COL5A1: variants seen among roughly 807,000 people sequenced by gnomAD.
The protein encoded by COL5A1 is collagen alpha-1(V) chain.
COL5A1 carries 16 observed loss-of-function variants against 263.7 expected under a neutral mutation model. The observed-to-expected ratio is 0.06, with a 90% CI of 0.04 to 0.09. The LOEUF is 0.09. COL5A1 is among the 10% of genes least tolerant of loss of function. The pLI is 1.00. For missense variants in COL5A1, 2,036 were observed against 2,540.5 expected (o/e 0.80, Z 4.27); for synonymous variants, 1,012 against 1,004.5 (o/e 1.01, Z -0.14).
chr9:134,770,234 C>A (rs1374696894), intron 25 of COL5A1, among the ~76,000 whole-genome samples: 1 of 152,190 alleles, frequency 6.6e-6, no homozygotes, highest in Non-Finnish European at 1.5e-5. Context: ...AGAGAGTTTT[C>A]TTTTTTTCTT....
chr9:134,663,145 G>A (rs1832260324), intron 1 of COL5A1, among the ~76,000 whole-genome samples: 1 of 152,248 alleles, frequency 6.6e-6, no homozygotes, highest in Non-Finnish European at 1.5e-5. Flanking sequence ...TTGCTGTGCT[G>A]GGTGCATCCA....
chr9:134,782,571 C>T, intron 28 of COL5A1, 96 bp from the exon 29 acceptor site: 1 of 1,165,688 alleles, frequency 8.6e-7, no homozygotes, highest in Non-Finnish European at 1.3e-6. Flanking sequence ...GCGTGGGGGA[C>T]CTGGTGCTGA....
Position 134,841,362 on chromosome 9 carries a change from TG to T in COL5A1, c.5371-791del. Reference sequence around the variant, plus strand: ...ACTGGGAGTTATATTTGGGTGGCTTTGGGGAGGGACCAAAGAATCTCACACC... The same window carrying T: ...ACTGGGAGTTATATTTGGGTGGCTTTGGGAGGGACCAAAGAATCTCACACC... On this transcript the variant is annotated intron_variant, in intron 65 of 65. Transcript: ENST00000371817. This position sits in a 1 kb window ranked among gnomAD's most constrained non-coding sequence, Gnocchi z 4.8. Among the ~76,000 whole-genome samples the T allele has an allele frequency of 6.6e-6, 1 of 152,234 alleles. No individual in the cohort carries two copies. Among genetic ancestry groups the T allele is most frequent in the Middle Eastern group, 3.4e-3 (1 of 294 alleles).
chr9:134,701,425 G>A (rs992288114), intron 4 of COL5A1, 92 bp downstream of exon 4: 71 of 1,315,798 alleles, frequency 5.4e-5, no homozygotes, highest in African/African-American at 4.4e-4. Flanking sequence ...TCCTCGGGCC[G>A]GGACCGGCTG....
In COL5A1 at chr9:134,806,184, C is replaced by T. The variant is rs1468758171; in HGVS notation, c.3259-5C>T. On this transcript the variant is annotated splice_polypyrimidine_tract_variant and splice_region_variant and intron_variant, in intron 41 of 65. Transcript: ENST00000371817. ...GAAGCAGACTGTTTTCTTGCTCCAC[C>T]TCAGGGATCTCCAGGGGAGAGAGGT... The T allele has an allele frequency of 3.9e-6, 6 of 1,548,530 alleles. No individual in the cohort carries two copies. The highest frequency in any genetic ancestry group is 5.2e-6 in the Non-Finnish European group (6 of 1,144,836).
Position 134,831,274 on chromosome 9 carries a change from CATT to C in COL5A1, c.5136+1231_5136+1233del, listed in dbSNP as rs555595218. ...GCTGATTATTCATCTCTCGTGCCCT[CATT>C]GTTGTTGGTTTGAAATCATATACCA... On this transcript the variant is annotated intron_variant, in intron 64 of 65. Transcript: ENST00000371817. Among the ~76,000 whole-genome samples, 86 of 152,334 alleles carry C rather than the reference CATT, an allele frequency of 5.6e-4. 3 individuals carry two copies. The East Asian group carries it at 8.9e-3, about 16-fold the overall frequency.
intron 27 of COL5A1, among the ~76,000 whole-genome samples, chr9:134,775,687 C>A (rs1029504484): frequency 2.0e-5 from 3 of 152,166 alleles, no homozygotes; most frequent in African/African-American, 7.2e-5. Context: ...TGGGGACTTG[C>A]GGTATCTTAA....
chr9:134,839,429 C>A (rs1839951839), intron 65 of COL5A1, among the ~76,000 whole-genome samples: 1 of 152,242 alleles, frequency 6.6e-6, no homozygotes, highest in Non-Finnish European at 1.5e-5. Context: ...GACAGCTCAG[C>A]AAATGCTGCC....
rs763701714 is a variant in COL5A1, at chr9:134,824,898, T to C, written c.4954+43T>C. 9.5e-6 allele frequency: 15 copies of C among 1,579,686 alleles called. No individual in the cohort carries two copies. The African/African-American group carries it at 1.8e-4, about 18-fold the overall frequency. ...CAGGGGTGGCCCCCCAAAGCGGGCA[T>C]GGACCTGCAGGACACATGGAGTGTG... On this transcript the variant is annotated intron_variant, in intron 62 of 65. Coordinates refer to ENST00000371817, the MANE Select transcript of COL5A1 (RefSeq NM_000093.5).
In COL5A1 at chr9:134,750,613, G is replaced by A. The variant is rs61737941; in HGVS notation, c.1566G>A (p.Leu522=). ...LPGPPGTMLM[L]PFRFGGGGDA... is the part of the protein sequence containing the mutation. Reference sequence around the variant, plus strand: ...GTCCTCCAGGAACCATGCTCATGCTGCCCGTGAGTACCCTTATCAGTCGGA... The same window carrying A: ...GTCCTCCAGGAACCATGCTCATGCTACCCGTGAGTACCCTTATCAGTCGGA... Residue 522 remains leucine, a synonymous_variant, in exon 12 of 66, where the codon CTG becomes CTA. Transcript: ENST00000371817. 1.2e-3 allele frequency: 1,923 copies of A among 1,613,390 alleles called. 31 individuals carry two copies. In the African/African-American group the frequency reaches 0.023, roughly 19 times the overall value.
intron 41 of COL5A1, 44 bp downstream of exon 41, chr9:134,805,258 C>T (rs780791933): frequency 8.7e-6 from 14 of 1,609,014 alleles, no homozygotes; most frequent in Non-Finnish European, 1.1e-5. Flanking sequence ...GAATCCTACT[C>T]TCCAGGTCAG....
Position 134,721,214 on chromosome 9 carries a change from C to A in COL5A1, c.655-6052C>A, listed in dbSNP as rs541463863. Among the ~76,000 whole-genome samples, 4 of 149,396 alleles carry A rather than the reference C, an allele frequency of 2.7e-5. No individual in the cohort carries two copies. The East Asian group carries it at 6.0e-4, about 22-fold the overall frequency. ...CTCCATCCAGGACCCCCCATGATAA[C>A]CCTCTAGAGCCCCCTCAACTGTCCC... is the stretch of plus-strand genomic sequence containing the variant. On this transcript the variant is annotated intron_variant, in intron 4 of 65. Coordinates refer to ENST00000371817, the MANE Select transcript of COL5A1 (RefSeq NM_000093.5).
intron 4 of COL5A1, among the ~76,000 whole-genome samples, chr9:134,710,313 G>T (rs1833978648): frequency 6.6e-6 from 1 of 152,262 alleles, no homozygotes; most frequent in African/African-American, 2.4e-5. Flanking sequence ...CATAGTGATT[G>T]TGCAGTATTT....
rs1021016236 is a variant in COL5A1 at position 134,815,762 on chromosome 9, T to A, written c.4068+133T>A. On this transcript the variant is annotated intron_variant, in intron 51 of 65. Transcript: ENST00000371817. Reference sequence around the variant, plus strand: ...GGGCAGGCAATGTCCCAAAAGGCACTCGTGTTCCGGTGATCAGAGCAAGAA... The same window carrying A: ...GGGCAGGCAATGTCCCAAAAGGCACACGTGTTCCGGTGATCAGAGCAAGAA... The A allele has an allele frequency of 2.3e-5, 29 of 1,248,496 alleles. No individual in the cohort carries two copies. In the African/African-American group the frequency reaches 3.5e-4, roughly 15 times the overall value. The allele number at this position is 1,248,496 out of a possible 1,614,324, so 77.3% of individuals were successfully genotyped here.
chr9:134,720,953 A>G (rs943797912), intron 4 of COL5A1, among the ~76,000 whole-genome samples: 1 of 152,138 alleles, frequency 6.6e-6, no homozygotes, highest in Non-Finnish European at 1.5e-5. Flanking sequence ...GCTGCATCTT[A>G]GAATCTCATG....
rs369008043 is a variant in COL5A1, at chr9:134,655,628, C to T, written c.109+13332C>T. Reference sequence around the variant, plus strand: ...ACTATTACTGTGTGTCCCAGGCATGCCATTGGTTCAGAGGTCACAGGTGGC... The same window carrying T: ...ACTATTACTGTGTGTCCCAGGCATGTCATTGGTTCAGAGGTCACAGGTGGC... On this transcript the variant is annotated intron_variant, in intron 1 of 65. Transcript: ENST00000371817. 1.5e-4 allele frequency among the ~76,000 whole-genome samples: 23 copies of T among 152,248 alleles called. No homozygotes were observed. The East Asian group carries it at 4.2e-3, about 28-fold the overall frequency.
chr9:134,706,911 C>T (rs1463804693), intron 4 of COL5A1, among the ~76,000 whole-genome samples: 1 of 152,218 alleles, frequency 6.6e-6, no homozygotes, highest in African/African-American at 2.4e-5. Flanking sequence ...GACCTGGACC[C>T]GCCTAGCCCC....
chr9:134,653,229 T>G, intron 1 of COL5A1: 1 of 153,646 alleles, frequency 6.5e-6, no homozygotes, highest in Non-Finnish European at 1.4e-5. Flanking sequence ...CGGCAGGTCT[T>G]AGGGAGCAGG....
rs1054566745 is a variant in COL5A1 at position 134,702,814 on chromosome 9, T to C, written c.654+1481T>C. 3.9e-5 allele frequency among the ~76,000 whole-genome samples: 6 copies of C among 152,372 alleles called. No homozygotes were observed. The East Asian group carries it at 1.2e-3, about 29-fold the overall frequency. ...TTGGGCCTCGGGCAAGCTGCTCTGC[T>C]ATTTCTCTGTCTTAGGGTCTCCGTC... On this transcript the variant is annotated intron_variant, in intron 4 of 65. Transcript: ENST00000371817.
Sources: allele counts gnomAD v4.1 joint callset (sites outside exome capture counted in the v4.1 genomes callset), GRCh38; gene constraint gnomAD v4.1.1; non-coding constraint Gnocchi (gnomAD v3.1); transcripts MANE v1.5; gene names NCBI Gene and HGNC (gene_info 2026-07-23, HGNC 2026-07-21).